NELL1: variants seen among roughly 807,000 people sequenced by gnomAD.
The protein encoded by NELL1 is neural EGFL like 1.
NELL1 carries 76 observed loss-of-function variants against 107.4 expected under a neutral mutation model. The observed-to-expected ratio is 0.71, with a 90% CI of 0.59 to 0.86. The LOEUF (loss-of-function observed/expected upper bound fraction) is 0.86. NELL1 is among the 40% of genes least tolerant of loss of function. The probability of loss-of-function intolerance (pLI) is 0.00; values close to 1 mark genes in which losing one functional copy is unlikely to be tolerated. For missense variants in NELL1, 1,024 were observed against 1,005.5 expected, an observed-to-expected ratio of 1.02 and a Z score of -0.25; for synonymous variants, 353 against 341.2, an observed-to-expected ratio of 1.03 and a Z score of -0.38.
At chr11:21,360,129 C>T (rs920547069) in intron 14 of NELL1, among the ~76,000 whole-genome samples, 1 of 152,048 alleles carries the variant, frequency 6.6e-6, no homozygotes, top group African/African-American at 2.4e-5. Flanking sequence ...GCATTTAATG[C>T]TGTGAACGTT....
At chr11:21,430,783 C>T (rs1852946121) in intron 15 of NELL1, among the ~76,000 whole-genome samples, 1 of 152,078 alleles carries the variant, frequency 6.6e-6, no homozygotes, top group South Asian at 2.1e-4. Context: ...TGCCTAACTC[C>T]AGGAGTATGT....
chr11:21,172,489 T>C (rs917865929), intron 13 of NELL1, among the ~76,000 whole-genome samples: 1 of 151,848 alleles, frequency 6.6e-6, no homozygotes, highest in African/African-American at 2.4e-5. Flanking sequence ...CAGCTTTAAA[T>C]CAGTCTCTAT....
intron 14 of NELL1, among the ~76,000 whole-genome samples, chr11:21,333,695 G>T (rs1213327511): frequency 6.6e-6 from 1 of 152,016 alleles, no homozygotes; most frequent in Non-Finnish European, 1.5e-5. Flanking sequence ...GAAGCATTTG[G>T]CTGGGGAAAG....
intron 15 of NELL1, among the ~76,000 whole-genome samples, chr11:21,453,766 A>G (rs1356863015): frequency 6.8e-6 from 1 of 146,022 alleles, no homozygotes; most frequent in Non-Finnish European, 1.5e-5. Flanking sequence ...TTTTATCTTC[A>G]CTATTAGCTT....
chr11:20,719,794 T>A (rs1331002632), intron 2 of NELL1, among the ~76,000 whole-genome samples: 1 of 152,228 alleles, frequency 6.6e-6, no homozygotes, highest in African/African-American at 2.4e-5. Context: ...AACTTGGTGA[T>A]TTTTATCATC....
At chr11:21,079,266 A>C (rs968152013) in intron 12 of NELL1, among the ~76,000 whole-genome samples, 1 of 152,074 alleles carries the variant, frequency 6.6e-6, no homozygotes, top group Non-Finnish European at 1.5e-5. Context: ...TAAAGCAAAT[A>C]TCTTAAGCAA....
intron 2 of NELL1, among the ~76,000 whole-genome samples, chr11:20,728,732 G>A (rs1310364180): frequency 3.9e-5 from 6 of 151,986 alleles, no homozygotes; most frequent in Non-Finnish European, 8.8e-5. Flanking sequence ...TTTGAAGTGA[G>A]GTAATGTGAT....
At chr11:21,312,659 T>C (rs1849774703) in intron 14 of NELL1, among the ~76,000 whole-genome samples, 1 of 151,822 alleles carries the variant, frequency 6.6e-6, no homozygotes, top group African/African-American at 2.4e-5. Flanking sequence ...TGTAAGTCTG[T>C]AGATTAAGTC....
At chr11:21,065,411 C>T (rs1013889304) in intron 12 of NELL1, among the ~76,000 whole-genome samples, 18 of 152,070 alleles carry the variant, frequency 1.2e-4, no homozygotes, top group Admixed American at 2.6e-4. Flanking sequence ...CTCCTTGACT[C>T]GATTTGCTAT....
chr11:21,217,306 T>C (rs1565115707), intron 13 of NELL1, among the ~76,000 whole-genome samples: 1 of 152,242 alleles, frequency 6.6e-6, no homozygotes, highest in East Asian at 1.9e-4. Flanking sequence ...GAGAACGAGA[T>C]AATACATTGG....
chr11:21,567,581 A>G (rs747600814), intron 17 of NELL1, among the ~76,000 whole-genome samples: 1 of 151,708 alleles, frequency 6.6e-6, no homozygotes, highest in Non-Finnish European at 1.5e-5. Context: ...ACATTTTTCA[A>G]CCTGTTGTTA....
intron 15 of NELL1, among the ~76,000 whole-genome samples, chr11:21,379,752 G>A (rs4244544): frequency 0.7 from 105,703 of 151,932 alleles, 37,179 homozygotes; most frequent in African/African-American, 0.81. Flanking sequence ...GGACTTGCAG[G>A]TATGTAGACA....
chr11:21,483,189 G>C (rs1854535749), intron 15 of NELL1, among the ~76,000 whole-genome samples: 1 of 152,104 alleles, frequency 6.6e-6, no homozygotes, highest in Non-Finnish European at 1.5e-5. Context: ...GTCAAGGCCA[G>C]ATTATTTAAG....
At chr11:21,347,930 A>C in intron 14 of NELL1, among the ~76,000 whole-genome samples, 1 of 152,182 alleles carries the variant, frequency 6.6e-6, no homozygotes, top group East Asian at 1.9e-4. Context: ...TGAAGTAAGT[A>C]GTTCAAAAGA....
intron 14 of NELL1, among the ~76,000 whole-genome samples, chr11:21,282,089 A>G (rs1207354364): frequency 1.3e-5 from 2 of 152,198 alleles, no homozygotes; most frequent in African/African-American, 4.8e-5. Context: ...TATTTTGCCA[A>G]CTATCTATCT....
In NELL1 at chr11:21,173,504, C is replaced by A. The variant is rs575532717; in HGVS notation, c.1427-55828C>A. On this transcript the variant is annotated intron_variant, in intron 13 of 19. Transcript: ENST00000357134. ...CTTAAACTTTAATACCCACCTTTTT[C>A]ATGAAGACTTTCCTCACTACTCCAG... Among the ~76,000 whole-genome samples the A allele has an allele frequency of 4.3e-4, 66 of 151,898 alleles. 1 individual carries two copies. The highest frequency in any genetic ancestry group is 1.6e-3 in the African/African-American group (65 of 41,238).
intron 13 of NELL1, among the ~76,000 whole-genome samples, chr11:21,155,046 C>G (rs1051864241): frequency 2.0e-5 from 3 of 152,088 alleles, no homozygotes; most frequent in African/African-American, 7.2e-5. Context: ...AGACAGTGGT[C>G]TGAAGACAGT....
At position 21,574,965 on chromosome 11, in the gene NELL1, T is replaced by C. The variant is rs776391610; in HGVS notation, c.2383-7T>C. ...AACTGGCTAACACATGTTTCTTTGATGTACAGAATGGAAGAGTCTGTTGTT... is the reference window on the plus strand; with the variant it reads ...AACTGGCTAACACATGTTTCTTTGACGTACAGAATGGAAGAGTCTGTTGTT... On this transcript the variant is annotated splice_polypyrimidine_tract_variant and splice_region_variant and intron_variant, in intron 19 of 19. Coordinates refer to ENST00000357134, the MANE Select transcript of NELL1 (RefSeq NM_006157.5). The C allele has an allele frequency of 2.5e-6, 4 of 1,609,928 alleles. No individual in the cohort carries two copies. The highest frequency in any genetic ancestry group is 4.5e-5 in the East Asian group (2 of 44,628).
intron 12 of NELL1, among the ~76,000 whole-genome samples, chr11:21,001,166 T>A (rs1378823099): frequency 6.6e-6 from 1 of 152,226 alleles, no homozygotes; most frequent in African/African-American, 2.4e-5. Context: ...CCATCATTAT[T>A]ATTATTGTAT....
Sources: allele counts gnomAD v4.1 joint callset (sites outside exome capture counted in the v4.1 genomes callset), GRCh38; gene constraint gnomAD v4.1.1; transcripts MANE v1.5; gene names NCBI Gene and HGNC (gene_info 2026-07-23, HGNC 2026-07-21).